Variants in ANKRD61 observed in about 807,000 individuals in gnomAD.
The protein encoded by ANKRD61 is ankyrin repeat domain 61, also known as ankyrin repeat domain-containing protein 61.
In ANKRD61, 7 loss-of-function variants were observed where a neutral mutation model predicts 8.4. The observed-to-expected ratio is 0.84, with a 90% CI of 0.48 to 1.57. The LOEUF is 1.57. Among genes scored for constraint, ANKRD61 ranks in the 40% most tolerant of loss-of-function variants. The pLI is 0.00. For missense variants in ANKRD61, 516 were observed against 523.4 expected, an observed-to-expected ratio of 0.99 and a Z score of 0.14; for synonymous variants, 198 against 208.0, an observed-to-expected ratio of 0.95 and a Z score of 0.41.
chr7:6,032,740 CACTA>C lies in ANKRD61; in HGVS notation c.217-97_217-94del. On this transcript the variant is annotated intron_variant, in intron 1 of 2. Transcript: ENST00000409061. The surrounding 1 kb of genome is among the most constrained non-coding windows in gnomAD (Gnocchi z 4.3). ...CCAGAAAAAGAGTGAGCCAATGAGA[CACTA>C]AATAAATGTATTGCCTTTGAAACGG... 1.1e-6 allele frequency: 1 copy of C among 920,666 alleles called. No individual in the cohort carries two copies. Among genetic ancestry groups the C allele is most frequent in the African/African-American group, 1.7e-5 (1 of 59,762 alleles). The allele number at this position is 920,666 out of a possible 1,614,324, so 57.0% of individuals were successfully genotyped here. A position where few individuals can be genotyped will look rare whatever the true frequency, so the allele number is the denominator to read the frequency against.
chr7:6,034,396 C>T (rs982506628), intron 2 of ANKRD61, among the ~76,000 whole-genome samples: 1 of 152,168 alleles, frequency 6.6e-6, no homozygotes, highest in Non-Finnish European at 1.5e-5. Context: ...CAGCCTCTCC[C>T]TGAGCACCCC....
In ANKRD61 at chr7:6,032,466, A is replaced by G. The variant is rs1787942851; in HGVS notation, c.217-373A>G. 6.6e-6 allele frequency among the ~76,000 whole-genome samples: 1 copy of G among 152,238 alleles called. No homozygotes were observed. The highest frequency in any genetic ancestry group is 2.1e-4 in the South Asian group (1 of 4,834). On this transcript the variant is annotated intron_variant, in intron 1 of 2. Coordinates refer to ENST00000409061, the MANE Select transcript of ANKRD61 (RefSeq NM_001271700.2). The surrounding 1 kb of genome is among the most constrained non-coding windows in gnomAD (Gnocchi z 4.3). ...CTGATAATACGACTTTGGCAACGAC[A>G]CAGCACCTACTTGTCCATCACCCTG... is the stretch of plus-strand genomic sequence containing the variant.
chr7:6,031,564 C>T lies in ANKRD61; in HGVS notation c.189C>T (p.Ser63=), dbSNP rs766037910. 4.5e-5 allele frequency: 70 copies of T among 1,550,766 alleles called. No homozygotes were observed. Among genetic ancestry groups the T allele is most frequent in the Middle Eastern group, 1.7e-4 (1 of 5,992 alleles). ...VNQPITILPN[S]ASNRLLLTQP... ...AGCCCATCACCATTCTGCCCAACTC[C>T]GCCAGCAACAGATTACTTCTGACCC... Residue 63 remains serine, a synonymous_variant, in exon 1 of 3, where the codon TCC becomes TCT. Transcript: ENST00000409061.
In ANKRD61 at chr7:6,033,679, C is replaced by G. The variant is rs964034167; in HGVS notation, c.314+743C>G. On this transcript the variant is annotated intron_variant, in intron 2 of 2. Transcript: ENST00000409061. This position sits in a 1 kb window ranked among gnomAD's most constrained non-coding sequence, Gnocchi z 4.4. ...CATTCTCCTGGGTTCACGCCATTCT[C>G]CTGCCTCAGCCTCCCAAGTAGCTGG... Among the ~76,000 whole-genome samples the G allele has an allele frequency of 6.6e-6, 1 of 152,118 alleles. No individual in the cohort carries two copies. Among genetic ancestry groups the G allele is most frequent in the East Asian group, 1.9e-4 (1 of 5,142 alleles).
At position 6,036,266 on chromosome 7, in the gene ANKRD61, C is replaced by G; in HGVS notation, c.1137C>G (p.Ile379Met). 1 of 1,549,964 alleles carries G rather than the reference C, an allele frequency of 6.5e-7. No homozygotes were observed. Among genetic ancestry groups the G allele is most frequent in the Non-Finnish European group, 8.7e-7 (1 of 1,146,854 alleles). Reference sequence around the variant, plus strand: ...AAAAACCTTTATCCCTACAGGGTATCTGCAAAAGAAACATCAGGAATATTT... The same window carrying G: ...AAAAACCTTTATCCCTACAGGGTATGTGCAAAAGAAACATCAGGAATATTT... ...QSQKPLSLQGICKRNIRNIYG... is the reference protein window; with the variant it reads ...QSQKPLSLQGMCKRNIRNIYG... Residue 379 changes from isoleucine to methionine, a missense_variant, in exon 3 of 3, where the codon ATC becomes ATG. By Grantham distance (10) the Ile-to-Met change is conservative (BLOSUM62 1). Transcript: ENST00000409061. This position sits in a 1 kb window ranked among gnomAD's most constrained non-coding sequence, Gnocchi z 4.6.
Position 6,036,027 on chromosome 7 carries a change from T to C in ANKRD61, c.898T>C (p.Phe300Leu). 6.4e-7 allele frequency: 1 copy of C among 1,551,104 alleles called. No individual in the cohort carries two copies. The highest frequency in any genetic ancestry group is 8.7e-7 in the Non-Finnish European group (1 of 1,147,144). The change falls in exon 3 of 3, where the codon TTT (phenylalanine) becomes CTT (leucine). Residue 300 changes from phenylalanine (F) to leucine (L), a missense_variant. Physicochemically the swap from Phe to Leu is conservative, Grantham distance 22. Transcript: ENST00000409061. The surrounding 1 kb of genome is among the most constrained non-coding windows in gnomAD (Gnocchi z 4.6). ...GGCAATCATCAATCTCCTGCTTGAA[T>C]TTGAAGCAAATGTTAACATTTTAAC... is the stretch of plus-strand genomic sequence containing the variant. ...REAIINLLLE[F>L]EANVNILTRN...
chr7:6,031,563 C>G lies in ANKRD61; in HGVS notation c.188C>G (p.Ser63Cys). The part of the protein sequence containing the change: ...VNQPITILPN[S>C]ASNRLLLTQP... ...CAGCCCATCACCATTCTGCCCAACTCCGCCAGCAACAGATTACTTCTGACC... is the reference window on the plus strand; with the variant it reads ...CAGCCCATCACCATTCTGCCCAACTGCGCCAGCAACAGATTACTTCTGACC... The change falls in exon 1 of 3, where the codon TCC (serine) becomes TGC (cysteine). Residue 63 changes from serine (S) to cysteine (C), a missense_variant. Physicochemically the swap from Ser to Cys is moderately radical, Grantham distance 112. Transcript: ENST00000409061. 1 of 1,550,808 alleles carries G rather than the reference C, an allele frequency of 6.4e-7. No individual in the cohort carries two copies. The highest frequency in any genetic ancestry group is 8.7e-7 in the Non-Finnish European group (1 of 1,147,000).
At position 6,036,249 on chromosome 7, in the gene ANKRD61, T is replaced by G. The variant is rs1788088323; in HGVS notation, c.1120T>G (p.Leu374Val). 2.6e-6 allele frequency: 4 copies of G among 1,550,078 alleles called. No homozygotes were observed. The highest frequency in any genetic ancestry group is 3.5e-6 in the Non-Finnish European group (4 of 1,146,920). The stretch of plus-strand genomic sequence containing the variant: ...CCTAATAAAGCAATCGCAAAAACCT[T>G]TATCCCTACAGGGTATCTGCAAAAG... ...DTLIKQSQKP[L>V]SLQGICKRNI... Residue 374 changes from leucine (L) to valine (V), a missense_variant, in exon 3 of 3, where the codon TTA (leucine) becomes GTA (valine). Transcript: ENST00000409061. The surrounding 1 kb of genome is among the most constrained non-coding windows in gnomAD (Gnocchi z 4.6).
Position 6,036,048 on chromosome 7 carries a change from T to C in ANKRD61, c.919T>C (p.Leu307=). ...LLEFEANVNI[L]TRNGESPIYM... is the part of the protein sequence containing the mutation. The stretch of plus-strand genomic sequence containing the variant: ...TGAATTTGAAGCAAATGTTAACATT[T>C]TAACAAGAAACGGGGAATCTCCAAT... The change falls in exon 3 of 3, where the codon TTA becomes CTA. Residue 307 remains leucine (L), a synonymous_variant. Coordinates refer to ENST00000409061, the MANE Select transcript of ANKRD61 (RefSeq NM_001271700.2). The surrounding 1 kb of genome is among the most constrained non-coding windows in gnomAD (Gnocchi z 4.6). The C allele has an allele frequency of 6.4e-7, 1 of 1,551,054 alleles. No individual in the cohort carries two copies. Among genetic ancestry groups the C allele is most frequent in the Non-Finnish European group, 8.7e-7 (1 of 1,147,144 alleles).
Position 6,035,634 on chromosome 7 carries a change from C to T in ANKRD61, c.505C>T (p.Arg169Cys), listed in dbSNP as rs1245765105. 6.4e-6 allele frequency: 10 copies of T among 1,550,744 alleles called. No homozygotes were observed. The East Asian group carries it at 7.3e-5, about 11-fold the overall frequency. The change falls in exon 3 of 3, where the codon CGT becomes TGT. Residue 169 changes from arginine (R) to cysteine (C), a missense_variant. Transcript: ENST00000409061. This position sits in a 1 kb window ranked among gnomAD's most constrained non-coding sequence, Gnocchi z 5.5. ...CACTCAAGGGGAAATCAGCAACAAA[C>T]GTTCACCACTCCACCTGGCCATAGC... is the stretch of plus-strand genomic sequence containing the variant. ...VNTQGEISNK[R>C]SPLHLAIAYG...
In ANKRD61 at chr7:6,031,416, T is replaced by A; in HGVS notation, c.41T>A (p.Val14Asp). ...ITRKGSRDLV[V>D]DSAKSLEDGP... is the part of the protein sequence containing the mutation. ...AGGAAAGGAAGCAGAGACCTGGTGG[T>A]TGACAGTGCCAAGTCCCTGGAAGAT... The change falls in exon 1 of 3, where the codon GTT becomes GAT. Residue 14 changes from valine to aspartate, a missense_variant. Physicochemically the swap from Val to Asp is radical, Grantham distance 152. Transcript: ENST00000409061. The A allele has an allele frequency of 1.3e-6, 2 of 1,550,798 alleles. No individual in the cohort carries two copies. Among genetic ancestry groups the A allele is most frequent in the Non-Finnish European group, 1.7e-6 (2 of 1,147,042 alleles).
chr7:6,034,892 TAC>T (rs1464390077), intron 2 of ANKRD61, among the ~76,000 whole-genome samples: 1 of 152,162 alleles, frequency 6.6e-6, no homozygotes, highest in Non-Finnish European at 1.5e-5. Flanking sequence ...TTCTGCTCCC[TAC>T]ACACTCACGC....
rs1211249209 is a variant in ANKRD61, at chr7:6,035,655, A to G, written c.526A>G (p.Ile176Val). Residue 176 changes from isoleucine (I) to valine (V), a missense_variant, in exon 3 of 3, where the codon ATA becomes GTA. Physicochemically the swap from Ile to Val is conservative, Grantham distance 29. Coordinates refer to ENST00000409061, the MANE Select transcript of ANKRD61 (RefSeq NM_001271700.2). The surrounding 1 kb of genome is among the most constrained non-coding windows in gnomAD (Gnocchi z 5.5). ...SNKRSPLHLA[I>V]AYGCYPVLSI... ...CAAACGTTCACCACTCCACCTGGCCATAGCATATGGTTGCTATCCAGTTCT... is the reference window on the plus strand; with the variant it reads ...CAAACGTTCACCACTCCACCTGGCCGTAGCATATGGTTGCTATCCAGTTCT... The G allele has an allele frequency of 2.6e-6, 4 of 1,550,754 alleles. No individual in the cohort carries two copies. Among genetic ancestry groups the G allele is most frequent in the East Asian group, 2.4e-5 (1 of 40,918 alleles).
Position 6,033,859 on chromosome 7 carries a change from G to A in ANKRD61, c.314+923G>A, listed in dbSNP as rs1169817479. Among the ~76,000 whole-genome samples the A allele has an allele frequency of 2.0e-5, 3 of 151,874 alleles. No individual in the cohort carries two copies. The highest frequency in any genetic ancestry group is 3.9e-4 in the East Asian group (2 of 5,108). ...GCTGGGATTACAGGCGTGAGCCGCC[G>A]TGCCTGGCCGACAATGGATTTTCTT... is the stretch of plus-strand genomic sequence containing the variant. On this transcript the variant is annotated intron_variant, in intron 2 of 2. Transcript: ENST00000409061. This position sits in a 1 kb window ranked among gnomAD's most constrained non-coding sequence, Gnocchi z 4.4.
At position 6,036,024 on chromosome 7, in the gene ANKRD61, G is replaced by C. The variant is rs1788074860; in HGVS notation, c.895G>C (p.Glu299Gln). The change falls in exon 3 of 3, where the codon GAA becomes CAA. Residue 299 changes from glutamate (E) to glutamine (Q), a missense_variant. Coordinates refer to ENST00000409061, the MANE Select transcript of ANKRD61 (RefSeq NM_001271700.2). This position sits in a 1 kb window ranked among gnomAD's most constrained non-coding sequence, Gnocchi z 4.6. ...GREAIINLLL[E>Q]FEANVNILTR... is the part of the protein sequence containing the mutation. The stretch of plus-strand genomic sequence containing the variant: ...AGAGGCAATCATCAATCTCCTGCTT[G>C]AATTTGAAGCAAATGTTAACATTTT... 6.4e-7 allele frequency: 1 copy of C among 1,551,088 alleles called. No individual in the cohort carries two copies. Among genetic ancestry groups the C allele is most frequent in the Middle Eastern group, 1.7e-4 (1 of 5,998 alleles).
In ANKRD61 at chr7:6,032,724, G is replaced by T. The variant is rs1184628276; in HGVS notation, c.217-115G>T. On this transcript the variant is annotated intron_variant, in intron 1 of 2. Transcript: ENST00000409061. This position sits in a 1 kb window ranked among gnomAD's most constrained non-coding sequence, Gnocchi z 4.3. The stretch of plus-strand genomic sequence containing the variant: ...ACTTTCAATGCACATACCAGAAAAA[G>T]AGTGAGCCAATGAGACACTAAATAA... The T allele has an allele frequency of 6.5e-6, 5 of 769,022 alleles. No homozygotes were observed. Among genetic ancestry groups the T allele is most frequent in the South Asian group, 3.9e-5 (2 of 51,588 alleles). The allele number at this position is 769,022 out of a possible 1,614,324, so 47.6% of individuals were successfully genotyped here. A position where few individuals can be genotyped will look rare whatever the true frequency, so the allele number is the denominator to read the frequency against.
chr7:6,032,604 T>C lies in ANKRD61; in HGVS notation c.217-235T>C. Among the ~76,000 whole-genome samples, 1 of 152,248 alleles carries C rather than the reference T, an allele frequency of 6.6e-6. No homozygotes were observed. The highest frequency in any genetic ancestry group is 1.9e-4 in the East Asian group (1 of 5,204). ...TTCCAAAGCTTTTGAGTGTTATTTCTGTTGCCTCAGTAAATGTGCATTTCT... is the reference window on the plus strand; with the variant it reads ...TTCCAAAGCTTTTGAGTGTTATTTCCGTTGCCTCAGTAAATGTGCATTTCT... On this transcript the variant is annotated intron_variant, in intron 1 of 2. Transcript: ENST00000409061. The surrounding 1 kb of genome is among the most constrained non-coding windows in gnomAD (Gnocchi z 4.3).
chr7:6,031,599 C>G lies in ANKRD61; in HGVS notation c.216+8C>G. 1 of 1,550,376 alleles carries G rather than the reference C, an allele frequency of 6.5e-7. No individual in the cohort carries two copies. The highest frequency in any genetic ancestry group is 8.7e-7 in the Non-Finnish European group (1 of 1,146,682). On this transcript the variant is annotated splice_region_variant and intron_variant, in intron 1 of 2. Coordinates refer to ENST00000409061, the MANE Select transcript of ANKRD61 (RefSeq NM_001271700.2). Reference sequence around the variant, plus strand: ...AGATTACTTCTGACCCAGGTACCCTCTTTTCTGCTCAGTCACTTCTGGAAA... The same window carrying G: ...AGATTACTTCTGACCCAGGTACCCTGTTTTCTGCTCAGTCACTTCTGGAAA...
rs1787977520 is a variant in ANKRD61 at position 6,033,570 on chromosome 7, T to C, written c.314+634T>C. On this transcript the variant is annotated intron_variant, in intron 2 of 2. Transcript: ENST00000409061. The surrounding 1 kb of genome is among the most constrained non-coding windows in gnomAD (Gnocchi z 4.4). Reference sequence around the variant, plus strand: ...TTAGGTGTGAAAAATAAAATATAGGTAGACAATGGATTTTCTTTATTTTTG... The same window carrying C: ...TTAGGTGTGAAAAATAAAATATAGGCAGACAATGGATTTTCTTTATTTTTG... 1.3e-5 allele frequency among the ~76,000 whole-genome samples: 2 copies of C among 152,008 alleles called. No individual in the cohort carries two copies. Among genetic ancestry groups the C allele is most frequent in the Non-Finnish European group, 1.5e-5 (1 of 67,982 alleles).
Sources: allele counts gnomAD v4.1 joint callset (sites outside exome capture counted in the v4.1 genomes callset), GRCh38; gene constraint gnomAD v4.1.1; non-coding constraint Gnocchi (gnomAD v3.1); transcripts MANE v1.5; gene names NCBI Gene and HGNC (gene_info 2026-07-23, HGNC 2026-07-21).